Variants in ROCK2 observed in about 807,000 individuals in gnomAD.
ROCK2 encodes rho-associated protein kinase 2.
ROCK2 carries 61 observed loss-of-function variants against 195.1 expected under a neutral mutation model. The observed-to-expected ratio is 0.31, with a 90% CI of 0.25 to 0.39. The LOEUF (loss-of-function observed/expected upper bound fraction) is 0.39. Ranked by LOEUF, ROCK2 falls within the 10% of genes least tolerant of loss-of-function variation. The pLI is 1.00. For missense variants in ROCK2, 1,109 were observed against 1,637.4 expected, an observed-to-expected ratio of 0.68 and a Z score of 5.57; for synonymous variants, 504 against 545.5, an observed-to-expected ratio of 0.92 and a Z score of 1.06.
intron 4 of ROCK2, among the ~76,000 whole-genome samples, chr2:11,241,945 A>T (rs1397042408): frequency 6.6e-6 from 1 of 152,202 alleles, no homozygotes; most frequent in African/African-American, 2.4e-5. Context: ...GAAGTCAGCC[A>T]TCATAAATGG....
chr2:11,291,801 G>A (rs1401759124), intron 1 of ROCK2, among the ~76,000 whole-genome samples: 1 of 152,134 alleles, frequency 6.6e-6, no homozygotes, highest in Non-Finnish European at 1.5e-5. Context: ...ATCACCAGAG[G>A]ACTGATTATA....
At chr2:11,247,024 TAAG>T (rs1665640375) in intron 4 of ROCK2, among the ~76,000 whole-genome samples, 1 of 152,152 alleles carries the variant, frequency 6.6e-6, no homozygotes. Flanking sequence ...TTAACCATAA[TAAG>T]AAATTAAGTG....
intron 3 of ROCK2, among the ~76,000 whole-genome samples, chr2:11,274,344 C>G (rs1666753244): frequency 6.6e-6 from 1 of 151,842 alleles, no homozygotes; most frequent in African/African-American, 2.4e-5. Context: ...TTGAAACAAT[C>G]CAAAAGAGTC....
chr2:11,270,654 T>G (rs1448050468), intron 3 of ROCK2, among the ~76,000 whole-genome samples: 2 of 152,218 alleles, frequency 1.3e-5, no homozygotes, highest in Admixed American at 6.5e-5. Flanking sequence ...TCAAAGGCAC[T>G]TTTCATTTCT....
upstream of ROCK2, among the ~76,000 whole-genome samples, chr2:11,345,373 G>C (rs1418164977): frequency 6.6e-6 from 1 of 152,158 alleles, no homozygotes; most frequent in Non-Finnish European, 1.5e-5. Flanking sequence ...TGGTTATCGG[G>C]ACCGTTCCGC....
intron 28 of ROCK2, 118 bp from the exon 29 acceptor site, chr2:11,194,462 A>C: frequency 2.5e-6 from 1 of 393,188 alleles, no homozygotes; most frequent in East Asian, 3.8e-5. Flanking sequence ...TAAGTAACTA[A>C]AAAGTATTTA....
intron 1 of ROCK2, among the ~76,000 whole-genome samples, chr2:11,341,418 CAGG>C (rs1221881642): frequency 6.6e-6 from 1 of 152,142 alleles, no homozygotes; most frequent in African/African-American, 2.4e-5. Flanking sequence ...TAAGTGTGCA[CAGG>C]AGAAGTGAAC....
chr2:11,205,222 C>A (rs1664007522), intron 20 of ROCK2, among the ~76,000 whole-genome samples: 1 of 152,190 alleles, frequency 6.6e-6, no homozygotes, highest in Non-Finnish European at 1.5e-5. Context: ...GCAGACATAT[C>A]TGCAAGGTTA....
In ROCK2 at chr2:11,309,849, G is replaced by A. The variant is rs553332970; in HGVS notation, c.142-22113C>T. 1.5e-3 allele frequency among the ~76,000 whole-genome samples: 229 copies of A among 152,072 alleles called. 1 individual carries two copies. The highest frequency in any genetic ancestry group is 5.3e-3 in the African/African-American group (218 of 41,510). Reference sequence around the variant, plus strand: ...ACAAAAATTAGCCGGGCATGGTGGCGTTATGCCTGTAGTCCCAGCTACTCA... The same window carrying A: ...ACAAAAATTAGCCGGGCATGGTGGCATTATGCCTGTAGTCCCAGCTACTCA... On this transcript the variant is annotated intron_variant, in intron 1 of 32. Transcript: ENST00000315872.
intron 1 of ROCK2, among the ~76,000 whole-genome samples, chr2:11,310,496 C>T (rs1030448222): frequency 4.6e-5 from 7 of 152,074 alleles, no homozygotes; most frequent in Non-Finnish European, 1.5e-5. Flanking sequence ...AACTCATTGA[C>T]TCGTAGATAA....
chr2:11,249,911 A>G (rs937180506), intron 3 of ROCK2, 113 bp from the exon 4 acceptor site: 2 of 849,102 alleles, frequency 2.4e-6, no homozygotes, highest in African/African-American at 1.7e-5. Context: ...AATGGTCCTT[A>G]GCTAATAAAA....
At chr2:11,340,751 AAATC>A (rs752171083) in intron 1 of ROCK2, among the ~76,000 whole-genome samples, 1 of 152,212 alleles carries the variant, frequency 6.6e-6, no homozygotes, top group South Asian at 2.1e-4. Context: ...AAGTATAATG[AAATC>A]AATCAAATTA....
At chr2:11,340,570 T>C (rs1034186740) in intron 1 of ROCK2, among the ~76,000 whole-genome samples, 2 of 152,210 alleles carry the variant, frequency 1.3e-5, no homozygotes, top group Non-Finnish European at 2.9e-5. Flanking sequence ...GAAAAAAATG[T>C]ATAAAATGAT....
Position 11,317,595 on chromosome 2 carries a change from TATATATATATATA to T in ROCK2, c.141+26388_141+26400del, listed in dbSNP as rs1245824964. 0.011 allele frequency among the ~76,000 whole-genome samples: 171 copies of T among 15,956 alleles called. 11 individuals are homozygous for T. The East Asian group carries it at 0.34, about 31-fold the overall frequency. 10.5% of individuals were successfully genotyped at this position (15,956 alleles called of 152,430 possible). A position where few individuals can be genotyped will look rare whatever the true frequency, so the allele number is the denominator to read the frequency against. ...ACACATTTATATATATATATATATA[TATATATATATATA>T]TATATTTTTTTTTTTTTTTAATTAT... On this transcript the variant is annotated intron_variant, in intron 1 of 32. Coordinates refer to ENST00000315872, the MANE Select transcript of ROCK2 (RefSeq NM_004850.5).
chr2:11,287,142 G>T (rs1667226336), intron 2 of ROCK2, among the ~76,000 whole-genome samples: 1 of 152,142 alleles, frequency 6.6e-6, no homozygotes, highest in Non-Finnish European at 1.5e-5. Flanking sequence ...TTACTGTGAT[G>T]ATACAATGTA....
At chr2:11,330,504 C>G (rs1001796629) in intron 1 of ROCK2, among the ~76,000 whole-genome samples, 4 of 152,136 alleles carry the variant, frequency 2.6e-5, no homozygotes, top group African/African-American at 9.7e-5. Flanking sequence ...TACAAAAACA[C>G]ATTTTTCACT....
At chr2:11,194,176 T>C in intron 29 of ROCK2, 80 bp downstream of exon 29, 1 of 573,476 alleles carries the variant, frequency 1.7e-6, no homozygotes, top group Non-Finnish European at 3.0e-6. Flanking sequence ...GGAGCTATAC[T>C]ATGAGACTAA....
chr2:11,228,893 C>T (rs757376775), intron 5 of ROCK2, among the ~76,000 whole-genome samples: 1 of 151,560 alleles, frequency 6.6e-6, no homozygotes, highest in Non-Finnish European at 1.5e-5. Flanking sequence ...CTGTAAAGGA[C>T]GGATAAGCTA....
intron 1 of ROCK2, among the ~76,000 whole-genome samples, chr2:11,292,533 A>G (rs1049675393): frequency 6.7e-6 from 1 of 149,672 alleles, no homozygotes; most frequent in African/African-American, 2.6e-5. Context: ...AAAAGTTAAT[A>G]AAATAATAAA....
Sources: allele counts gnomAD v4.1 joint callset (sites outside exome capture counted in the v4.1 genomes callset), GRCh38; gene constraint gnomAD v4.1.1; transcripts MANE v1.5; gene names NCBI Gene and HGNC (gene_info 2026-07-23, HGNC 2026-07-21).